Variants in CAPN8 observed in about 807,000 individuals in gnomAD.
CAPN8 encodes the protein calpain 8.
CAPN8 carries 87 observed loss-of-function variants against 80.9 expected under a neutral mutation model. The ratio of observed to expected loss-of-function variants is 1.07; its 90% CI spans 0.90 to 1.28. The LOEUF (loss-of-function observed/expected upper bound fraction) is 1.28, where lower values mean the gene tolerates loss of function less well. Ranked by LOEUF, CAPN8 falls within the 50% of genes most tolerant of loss-of-function variation. The pLI is 0.00. For missense variants in CAPN8, 757 were observed against 702.0 expected, an observed-to-expected ratio of 1.08 and a Z score of -0.89; for synonymous variants, 299 against 273.8, an observed-to-expected ratio of 1.09 and a Z score of -0.91.
chr1:223,645,496 G>A lies in CAPN8; in HGVS notation c.307+8834C>T, dbSNP rs541389734. Among the ~76,000 whole-genome samples, 6 of 152,258 alleles carry A rather than the reference G, an allele frequency of 3.9e-5. No individual in the cohort carries two copies. The South Asian group carries it at 1.0e-3, about 26-fold the overall frequency. On this transcript the variant is annotated intron_variant, in intron 2 of 20. Transcript: ENST00000366872. ...GGAGACACTGCTCCCAAGCAGACAC[G>A]CAAAACAAGTCAGAGAAAATGGGAT...
chr1:223,611,837 C>A lies in CAPN8; in HGVS notation c.1323+409G>T, dbSNP rs538176551. Among the ~76,000 whole-genome samples, 5 of 152,356 alleles carry A rather than the reference C, an allele frequency of 3.3e-5. No homozygotes were observed. In the South Asian group the frequency reaches 1.0e-3, roughly 32 times the overall value. ...AATTGAGCCTTGCTGGCACATGCTT[C>A]ATGGCTAGCCAAGCTTGAAAACCCA... On this transcript the variant is annotated intron_variant, in intron 11 of 20. Coordinates refer to ENST00000366872, the MANE Select transcript of CAPN8 (RefSeq NM_001143962.2).
At chr1:223,640,881 A>G (rs1408625391) in intron 2 of CAPN8, among the ~76,000 whole-genome samples, 2 of 152,186 alleles carry the variant, frequency 1.3e-5, no homozygotes, top group Admixed American at 6.5e-5. Context: ...ATACAATGCA[A>G]GGTGGTTGCA....
In CAPN8 at chr1:223,545,273, C is replaced by T. The variant is rs1020750685; in HGVS notation, c.1791G>A (p.Ala597=). 7.1e-6 allele frequency: 11 copies of T among 1,551,482 alleles called. No individual in the cohort carries two copies. Among genetic ancestry groups the T allele is most frequent in the African/African-American group, 5.5e-5 (4 of 73,026 alleles). The change falls in exon 17 of 21, where the codon GCG becomes GCA. Residue 597 remains alanine, a synonymous_variant. Coordinates refer to ENST00000366872, the MANE Select transcript of CAPN8 (RefSeq NM_001143962.2). The part of the protein sequence containing the change: ...LDSNGTGTLG[A]VEFKTLWLKI... ...TCAGCCAGAGCGTCTTGAATTCCAC[C>T]GCCCCCAAAGTGCCCGTTCCATTGC... is the stretch of plus-strand genomic sequence containing the variant.
At chr1:223,641,888 T>G (rs1253491244) in intron 2 of CAPN8, among the ~76,000 whole-genome samples, 1 of 152,226 alleles carries the variant, frequency 6.6e-6, no homozygotes, top group Non-Finnish European at 1.5e-5. Context: ...AAGTTCTTCC[T>G]GATTCTGACA....
chr1:223,621,105 A>C (rs1474845191), intron 7 of CAPN8, among the ~76,000 whole-genome samples: 1 of 152,092 alleles, frequency 6.6e-6, no homozygotes, highest in African/African-American at 2.4e-5. Context: ...CAGCACGACA[A>C]TTCCCAGAGC....
intron 12 of CAPN8, among the ~76,000 whole-genome samples, chr1:223,558,468 G>C (rs1389216256): frequency 5.3e-5 from 8 of 152,216 alleles, no homozygotes; most frequent in African/African-American, 1.9e-4. Context: ...GTGGTAACGG[G>C]TAAGGTAGGG....
At chr1:223,647,518 T>G (rs1489364905) in intron 2 of CAPN8, among the ~76,000 whole-genome samples, 1 of 152,182 alleles carries the variant, frequency 6.6e-6, no homozygotes, top group Non-Finnish European at 1.5e-5. Flanking sequence ...CCTCCTTTCT[T>G]TCTTCCCTCC....
intron 2 of CAPN8, among the ~76,000 whole-genome samples, chr1:223,648,338 C>T (rs1421445255): frequency 6.6e-6 from 1 of 152,232 alleles, no homozygotes; most frequent in African/African-American, 2.4e-5. Context: ...GGAGGCCTGA[C>T]CCTGTGCTCT....
At chr1:223,618,278 G>C in intron 9 of CAPN8, 1 of 1,550,502 alleles carries the variant, frequency 6.4e-7, no homozygotes, top group Non-Finnish European at 8.7e-7. Context: ...AACCTAGGAG[G>C]AGCCTACACA....
chr1:223,664,092 T>G (rs74145975), intron 1 of CAPN8, among the ~76,000 whole-genome samples: 128 of 152,352 alleles, frequency 8.4e-4, no homozygotes, highest in African/African-American at 2.8e-3. Flanking sequence ...TTCTCATCCC[T>G]GAGGAATCAC....
At chr1:223,618,586 T>G (rs1486442441) in intron 9 of CAPN8, among the ~76,000 whole-genome samples, 1 of 152,186 alleles carries the variant, frequency 6.6e-6, no homozygotes, top group Non-Finnish European at 1.5e-5. Flanking sequence ...GTCCCAGAGG[T>G]CAGCAGGGTG....
intron 1 of CAPN8, among the ~76,000 whole-genome samples, 182 bp downstream of exon 1, chr1:223,665,228 G>A (rs917913951): frequency 1.3e-5 from 2 of 152,142 alleles, no homozygotes; most frequent in African/African-American, 4.8e-5. Context: ...ACTCCAGCCT[G>A]GGTGACAGAG....
At chr1:223,556,020 C>CA (rs1656898130) in intron 13 of CAPN8, among the ~76,000 whole-genome samples, 1 of 152,204 alleles carries the variant, frequency 6.6e-6, no homozygotes, top group South Asian at 2.1e-4. Flanking sequence ...GGCAGCATGG[C>CA]AAACGCAAGG....
Position 223,665,596 on chromosome 1 carries a change from A to G in CAPN8, c.51T>C (p.Gly17=), listed in dbSNP as rs1303128504. The change falls in exon 1 of 21, where the codon GGT becomes GGC. Residue 17 remains glycine (G), a synonymous_variant. Transcript: ENST00000366872. ...TCAAAGCGTTTTGGTTGGAGCCAAGACCTTGAGTGGCTGCCCGCTGCCTAG... is the reference window on the plus strand; with the variant it reads ...TCAAAGCGTTTTGGTTGGAGCCAAGGCCTTGAGTGGCTGCCCGCTGCCTAG... ...GVSRQRAATQ[G]LGSNQNALKY... 1.3e-6 allele frequency: 2 copies of G among 1,551,616 alleles called. No individual in the cohort carries two copies. Among genetic ancestry groups the G allele is most frequent in the Non-Finnish European group, 1.7e-6 (2 of 1,146,978 alleles).
At chr1:223,554,217 C>T (rs1656858206) in intron 13 of CAPN8, among the ~76,000 whole-genome samples, 1 of 152,222 alleles carries the variant, frequency 6.6e-6, no homozygotes, top group Admixed American at 6.5e-5. Context: ...GAAAATGACA[C>T]TGACACCAGA....
At chr1:223,633,220 C>T (rs1355903242) in intron 2 of CAPN8, among the ~76,000 whole-genome samples, 1 of 151,922 alleles carries the variant, frequency 6.6e-6, no homozygotes, top group Non-Finnish European at 1.5e-5. Context: ...TTGGTATGCC[C>T]CATAAATTGG....
chr1:223,627,830 C>G (rs886124153), intron 4 of CAPN8, among the ~76,000 whole-genome samples, 179 bp downstream of exon 4: 2 of 152,162 alleles, frequency 1.3e-5, no homozygotes, highest in African/African-American at 2.4e-5. Context: ...ACTCCCCGCC[C>G]AGATTTCTGT....
At chr1:223,550,803 C>A (rs1389330539) in intron 15 of CAPN8, among the ~76,000 whole-genome samples, 157 bp downstream of exon 15, 1 of 152,118 alleles carries the variant, frequency 6.6e-6, no homozygotes, top group Non-Finnish European at 1.5e-5. Flanking sequence ...CCTTCTTCCC[C>A]TCTTGTCTTG....
At chr1:223,628,607 G>A in intron 3 of CAPN8, 55 bp downstream of exon 3, 2 of 1,380,260 alleles carry the variant, frequency 1.4e-6, no homozygotes, top group Non-Finnish European at 2.0e-6. Context: ...TGGACCTGCA[G>A]TGAGCCCTAA....
Sources: gnomAD v4.1 joint callset for allele counts (sites outside exome capture counted in the v4.1 genomes callset) on GRCh38, gnomAD v4.1.1 for gene constraint, MANE v1.5 for transcripts, NCBI Gene and HGNC (gene_info 2026-07-23, HGNC 2026-07-21) for gene names.